The following NSMCE2 variants were observed in gnomAD, a reference collection of about 807,000 sequenced individuals.
NSMCE2 encodes NSE2 SUMO ligase component of SMC5/6 complex.
A neutral mutation model predicts 23.8 loss-of-function variants in NSMCE2; 24 were observed. That is an observed-to-expected ratio of 1.01 (90% confidence interval 0.73 to 1.42). NSMCE2 has a LOEUF of 1.42. Ranked by LOEUF, NSMCE2 falls within the 40% of genes most tolerant of loss-of-function variation. The probability of loss-of-function intolerance (pLI) is 0.00; values close to 1 mark genes in which losing one functional copy is unlikely to be tolerated. For missense variants in NSMCE2, 284 were observed against 296.5 expected (o/e 0.96, Z 0.31); for synonymous variants, 92 against 94.1 (o/e 0.98, Z 0.13).
intron 3 of NSMCE2, among the ~76,000 whole-genome samples, chr8:125,125,071 G>C (rs987436548): frequency 7.2e-5 from 11 of 152,010 alleles, no homozygotes; most frequent in African/African-American, 2.7e-4. Context: ...CTGGGACTAC[G>C]GGTGTGAGCC....
chr8:125,352,856 A>G (rs954476766), intron 5 of NSMCE2, among the ~76,000 whole-genome samples: 1 of 152,202 alleles, frequency 6.6e-6, no homozygotes, highest in Admixed American at 6.5e-5. Context: ...GTCAATTTCT[A>G]TAAATATAGA....
chr8:125,166,740 C>T (rs1821898604), intron 4 of NSMCE2, among the ~76,000 whole-genome samples: 1 of 152,100 alleles, frequency 6.6e-6, no homozygotes, highest in Non-Finnish European at 1.5e-5. Flanking sequence ...TGGGGTACTC[C>T]CCAGTGGTCC....
chr8:125,298,687 G>GT (rs35334691), intron 5 of NSMCE2, among the ~76,000 whole-genome samples: 2,208 of 85,676 alleles, frequency 0.026, 66 homozygotes, highest in Non-Finnish European at 0.036. Flanking sequence ...TCATCTGTGG[G>GT]TTTTTTTTTG....
At chr8:125,259,868 G>A (rs1396367381) in intron 5 of NSMCE2, among the ~76,000 whole-genome samples, 3 of 152,160 alleles carry the variant, frequency 2.0e-5, no homozygotes, top group Non-Finnish European at 4.4e-5. Flanking sequence ...AATAAAAATA[G>A]AAATCAGATC....
At chr8:125,355,699 C>CAAA (rs140692089) in intron 5 of NSMCE2, among the ~76,000 whole-genome samples, 32 of 46,542 alleles carry the variant, frequency 6.9e-4, no homozygotes, top group East Asian at 1.5e-3. Context: ...GACTCCATCT[C>CAAA]AAAAAAAAAA....
At chr8:125,299,804 C>CT (rs58789139) in intron 5 of NSMCE2, among the ~76,000 whole-genome samples, 10,742 of 69,798 alleles carry the variant, frequency 0.15, 2,798 homozygotes, top group East Asian at 0.19. Context: ...TTTTGGCTTT[C>CT]TTTTTTTTTT....
At chr8:125,148,273 A>G (rs1820799822) in intron 3 of NSMCE2, among the ~76,000 whole-genome samples, 1 of 151,948 alleles carries the variant, frequency 6.6e-6, no homozygotes, top group African/African-American at 2.4e-5. Flanking sequence ...AGCCTTGCCC[A>G]TTTCCTCCTT....
chr8:125,201,550 C>G (rs1823874794), intron 5 of NSMCE2, among the ~76,000 whole-genome samples: 2 of 152,186 alleles, frequency 1.3e-5, no homozygotes, highest in South Asian at 4.1e-4. Context: ...GCTTCCTGAT[C>G]CTTCCTCTGG....
rs577001374 is a variant in NSMCE2, at chr8:125,168,121, A to AT, written c.265-13973dup. 2.8e-4 allele frequency among the ~76,000 whole-genome samples: 43 copies of AT among 151,322 alleles called. No homozygotes were observed. In the South Asian group the frequency reaches 3.3e-3, roughly 12 times the overall value. On this transcript the variant is annotated intron_variant, in intron 4 of 7. Coordinates refer to ENST00000287437, the MANE Select transcript of NSMCE2 (RefSeq NM_173685.4). Reference sequence around the variant, plus strand: ...GGGTTTAATTTCTATGAAAGATTTTATTTTTTTTTGTGGACTACTTATGAG... The same window carrying AT: ...GGGTTTAATTTCTATGAAAGATTTTATTTTTTTTTTGTGGACTACTTATGAG...
intron 3 of NSMCE2, among the ~76,000 whole-genome samples, chr8:125,103,946 T>C (rs1392444457): frequency 6.6e-6 from 1 of 152,042 alleles, no homozygotes; most frequent in Admixed American, 6.6e-5. Flanking sequence ...GTTAATTCTG[T>C]CATCTCTATG....
intron 5 of NSMCE2, among the ~76,000 whole-genome samples, chr8:125,224,576 T>G (rs1825013888): frequency 6.6e-6 from 1 of 152,250 alleles, no homozygotes; most frequent in Non-Finnish European, 1.5e-5. Flanking sequence ...CCCCATTGTG[T>G]GCTCTTGGCA....
intron 5 of NSMCE2, among the ~76,000 whole-genome samples, chr8:125,248,335 GC>G (rs2131003037): frequency 6.6e-6 from 1 of 152,306 alleles, no homozygotes; most frequent in East Asian, 1.9e-4. Flanking sequence ...ATTCAGCAAA[GC>G]ATAACATGGT....
intron 5 of NSMCE2, among the ~76,000 whole-genome samples, chr8:125,246,682 T>A (rs1172815335): frequency 1.3e-5 from 2 of 152,252 alleles, no homozygotes; most frequent in African/African-American, 4.8e-5. Context: ...CATGGAAATG[T>A]CTTGTGAAAC....
rs370227029 is a variant in NSMCE2, at chr8:125,325,694, G to A, written c.419-31525G>A. Reference sequence around the variant, plus strand: ...AAGTTGGGTGCAGTGGCTCACACCTGTAATCCCAACACTTTGGAAGACCGA... The same window carrying A: ...AAGTTGGGTGCAGTGGCTCACACCTATAATCCCAACACTTTGGAAGACCGA... On this transcript the variant is annotated intron_variant, in intron 5 of 7. Transcript: ENST00000287437. Among the ~76,000 whole-genome samples, 42 of 152,150 alleles carry A rather than the reference G, an allele frequency of 2.8e-4. 1 individual carries two copies. Among genetic ancestry groups the A allele is most frequent in the Admixed American group, 1.0e-3 (16 of 15,286 alleles).
chr8:125,328,408 A>C (rs1829756886), intron 5 of NSMCE2, among the ~76,000 whole-genome samples: 1 of 152,202 alleles, frequency 6.6e-6, no homozygotes, highest in Non-Finnish European at 1.5e-5. Flanking sequence ...ATAAAAGCAC[A>C]TGGAGAGCTA....
intron 5 of NSMCE2, among the ~76,000 whole-genome samples, chr8:125,241,693 A>C (rs916106415): frequency 6.6e-6 from 1 of 152,254 alleles, no homozygotes; most frequent in African/African-American, 2.4e-5. Flanking sequence ...ATAGTAAGCC[A>C]GGTAAACAGT....
At chr8:125,300,456 C>T (rs934313495) in intron 5 of NSMCE2, among the ~76,000 whole-genome samples, 2 of 152,198 alleles carry the variant, frequency 1.3e-5, no homozygotes, top group Non-Finnish European at 2.9e-5. Context: ...AGCCATCACA[C>T]CTGGCCCTGG....
At chr8:125,222,765 G>A (rs529487449) in intron 5 of NSMCE2, among the ~76,000 whole-genome samples, 3 of 152,142 alleles carry the variant, frequency 2.0e-5, no homozygotes, top group African/African-American at 7.2e-5. Context: ...TCTGTTCATC[G>A]ATGAGAGACT....
chr8:125,100,707 C>T (rs975373884), intron 1 of NSMCE2, among the ~76,000 whole-genome samples: 8 of 152,142 alleles, frequency 5.3e-5, no homozygotes, highest in African/African-American at 1.4e-4. Context: ...ATTACAGGTG[C>T]CCACTACCAT....
Sources: gnomAD v4.1 joint callset for allele counts (sites outside exome capture counted in the v4.1 genomes callset) on GRCh38, gnomAD v4.1.1 for gene constraint, MANE v1.5 for transcripts, NCBI Gene and HGNC (gene_info 2026-07-23, HGNC 2026-07-21) for gene names.